PAX5: variants seen among roughly 807,000 people sequenced by gnomAD.
The protein encoded by PAX5 is paired box 5.
PAX5 carries 9 observed loss-of-function variants against 43.7 expected under a neutral mutation model. That is an observed-to-expected ratio of 0.21 (90% CI 0.12 to 0.36). The LOEUF is 0.36. PAX5 is among the 10% of genes least tolerant of loss of function. The pLI, the probability that PAX5 is intolerant of heterozygous loss-of-function variation, is 1.00. For missense variants in PAX5, 383 were observed against 532.7 expected, an observed-to-expected ratio of 0.72 and a Z score of 2.77; for synonymous variants, 228 against 214.3, an observed-to-expected ratio of 1.06 and a Z score of -0.56.
rs1212662910 is a variant in PAX5, at chr9:37,006,534, G to A, written c.414C>T (p.Ile138=). The A allele has an allele frequency of 6.2e-7, 1 of 1,613,968 alleles. No individual in the cohort carries two copies. Among genetic ancestry groups the A allele is most frequent in the Non-Finnish European group, 8.5e-7 (1 of 1,179,840 alleles). The change falls in exon 4 of 10, where the codon ATC becomes ATT. Residue 138 remains isoleucine, a synonymous_variant. Coordinates refer to ENST00000358127, the MANE Select transcript of PAX5 (RefSeq NM_016734.3). ...TVPSVSSINR[I]IRTKVQQPPN... ...GTGGCTGCTGTACTTTTGTCCGGAT[G>A]ATCCTGTGGGCAGTTGAAAAACAAA...
At chr9:37,027,867 T>A (rs1840580913) in intron 1 of PAX5, among the ~76,000 whole-genome samples, 1 of 152,194 alleles carries the variant, frequency 6.6e-6, no homozygotes, top group Non-Finnish European at 1.5e-5. Context: ...AGCGGACACC[T>A]GGGCAATGGG....
intron 5 of PAX5, among the ~76,000 whole-genome samples, chr9:36,972,268 T>A (rs978639200): frequency 2.6e-5 from 4 of 152,164 alleles, no homozygotes; most frequent in African/African-American, 9.7e-5. Flanking sequence ...CTCCTTAGCA[T>A]GGCAGGGCCG....
At chr9:36,996,508 C>A (rs186268532) in intron 5 of PAX5, among the ~76,000 whole-genome samples, 3 of 152,246 alleles carry the variant, frequency 2.0e-5, no homozygotes, top group Non-Finnish European at 4.4e-5. Context: ...CTGCCTATTA[C>A]TCCTGACTCA....
chr9:36,833,528 T>TA lies in PAX5; in HGVS notation c.*7031dup, dbSNP rs200730059. On this transcript the variant is annotated 3_prime_UTR_variant, in exon 10 of 10. Coordinates refer to ENST00000358127, the MANE Select transcript of PAX5 (RefSeq NM_016734.3). ...TTCAGGTTTGACAAGGAAAAAAAAG[T>TA]AAAAAAAAAATTAAACCAAAACCCC... is the stretch of plus-strand genomic sequence containing the variant. The TA allele has an allele frequency of 0.014, 3,152 of 224,772 alleles. 35 individuals carry two copies. Among genetic ancestry groups the TA allele is most frequent in the South Asian group, 0.056 (301 of 5,380 alleles). The allele number at this position is 224,772 out of a possible 1,614,324, so 13.9% of individuals were successfully genotyped here.
intron 7 of PAX5, among the ~76,000 whole-genome samples, chr9:36,917,108 T>C (rs1380483571): frequency 6.6e-6 from 1 of 152,162 alleles, no homozygotes; most frequent in African/African-American, 2.4e-5. Flanking sequence ...GATGTTTATA[T>C]TTTTTTCTGC....
At chr9:36,920,439 G>A (rs537482622) in intron 7 of PAX5, among the ~76,000 whole-genome samples, 50 of 152,208 alleles carry the variant, frequency 3.3e-4, no homozygotes, top group Non-Finnish European at 6.5e-4. Context: ...CATCAACATC[G>A]AGGCAAGACC....
chr9:36,950,902 A>T (rs1247248253), intron 6 of PAX5, among the ~76,000 whole-genome samples: 1 of 151,938 alleles, frequency 6.6e-6, no homozygotes, highest in Non-Finnish European at 1.5e-5. Flanking sequence ...CACCACGCCC[A>T]GCTAATTTTT....
At chr9:36,914,865 CT>C (rs1829604576) in intron 7 of PAX5, among the ~76,000 whole-genome samples, 7 of 152,186 alleles carry the variant, frequency 4.6e-5, no homozygotes, top group Admixed American at 4.6e-4. Context: ...TGTGTCTATC[CT>C]TTATATTTTT....
intron 8 of PAX5, among the ~76,000 whole-genome samples, chr9:36,855,001 C>T (rs1823527057): frequency 6.6e-6 from 1 of 152,226 alleles, no homozygotes; most frequent in Non-Finnish European, 1.5e-5. Context: ...GCCAAGTGGC[C>T]TTTCTGGGCC....
intron 7 of PAX5, among the ~76,000 whole-genome samples, chr9:36,911,052 C>T (rs1473064282): frequency 6.6e-6 from 1 of 152,232 alleles, no homozygotes; most frequent in Non-Finnish European, 1.5e-5. Context: ...TCAGATCAAA[C>T]ACCACCATTT....
intron 6 of PAX5, among the ~76,000 whole-genome samples, chr9:36,947,785 C>T (rs939649185): frequency 6.6e-6 from 1 of 151,858 alleles, no homozygotes; most frequent in Non-Finnish European, 1.5e-5. Context: ...ACACTTTGGC[C>T]ACCTGAAACT....
chr9:36,938,650 A>G (rs1831768481), intron 6 of PAX5, among the ~76,000 whole-genome samples: 1 of 152,196 alleles, frequency 6.6e-6, no homozygotes, highest in African/African-American at 2.4e-5. Flanking sequence ...TTTTATTTCC[A>G]GGAAAGGAAG....
chr9:36,993,342 C>G (rs1362595141), intron 5 of PAX5, among the ~76,000 whole-genome samples: 1 of 152,086 alleles, frequency 6.6e-6, no homozygotes, highest in Non-Finnish European at 1.5e-5. Flanking sequence ...TTAATTAACC[C>G]TCATAAACTA....
chr9:36,904,638 T>C (rs1211863046), intron 7 of PAX5, among the ~76,000 whole-genome samples: 4 of 151,916 alleles, frequency 2.6e-5, no homozygotes, highest in African/African-American at 9.7e-5. Context: ...AGCAGACTAG[T>C]AGAAGCTAAT....
At chr9:36,986,718 C>G (rs555135804) in intron 5 of PAX5, among the ~76,000 whole-genome samples, 87 of 152,250 alleles carry the variant, frequency 5.7e-4, no homozygotes, top group Non-Finnish European at 1.0e-3. Flanking sequence ...ACCGCGGGGC[C>G]GAGGAGGAAG....
chr9:36,945,074 C>T (rs1832374961), intron 6 of PAX5, among the ~76,000 whole-genome samples: 1 of 152,166 alleles, frequency 6.6e-6, no homozygotes. Flanking sequence ...TCACAGACCT[C>T]CAACGCACAG....
intron 1 of PAX5, among the ~76,000 whole-genome samples, chr9:37,024,060 A>G (rs1840084303): frequency 1.3e-5 from 2 of 152,238 alleles, no homozygotes; most frequent in African/African-American, 4.8e-5. Context: ...AACCAGCTCC[A>G]GCTGTGCCAA....
At chr9:36,842,019 C>T (rs116629098) in intron 9 of PAX5, among the ~76,000 whole-genome samples, 8 of 152,260 alleles carry the variant, frequency 5.3e-5, no homozygotes, top group South Asian at 2.1e-4. Flanking sequence ...CCTGATGAGC[C>T]GATGTGCTGC....
chr9:36,885,698 C>G (rs539202586), intron 7 of PAX5, among the ~76,000 whole-genome samples: 37 of 152,284 alleles, frequency 2.4e-4, no homozygotes, highest in Admixed American at 7.8e-4. Flanking sequence ...CAGAAGCATG[C>G]CTTCTTCATA....
Sources: allele counts gnomAD v4.1 joint callset (sites outside exome capture counted in the v4.1 genomes callset), GRCh38; gene constraint gnomAD v4.1.1; transcripts MANE v1.5; gene names NCBI Gene and HGNC (gene_info 2026-07-23, HGNC 2026-07-21).